ABL1: variants seen among roughly 807,000 people sequenced by gnomAD.
The protein encoded by ABL1 is ABL proto-oncogene 1, non-receptor tyrosine kinase.
In ABL1, 11 loss-of-function variants were observed where a neutral mutation model predicts 94.7. The ratio of observed to expected loss-of-function variants is 0.12; its 90% CI spans 0.07 to 0.19. The LOEUF is 0.19. ABL1 is among the 10% of genes least tolerant of loss of function. The pLI, the probability that ABL1 is intolerant of heterozygous loss-of-function variation, is 1.00. For missense variants in ABL1, 1,082 were observed against 1,489.4 expected, an observed-to-expected ratio of 0.73 and a Z score of 4.50; for synonymous variants, 656 against 622.4, an observed-to-expected ratio of 1.05 and a Z score of -0.80.
rs149412304 is a variant in ABL1 at position 130,884,706 on chromosome 9, C to A, written c.2416C>A (p.Pro806Thr). The A allele has an allele frequency of 2.1e-5, 34 of 1,612,684 alleles. No individual in the cohort carries two copies. The African/African-American group carries it at 3.1e-4, about 15-fold the overall frequency. ...EVFKDIMESSPGSSPPNLTPK... is the reference protein window; with the variant it reads ...EVFKDIMESSTGSSPPNLTPK... ...CTTCAAAGACATCATGGAGTCCAGCCCGGGCTCCAGCCCGCCCAACCTGAC... is the reference window on the plus strand; with the variant it reads ...CTTCAAAGACATCATGGAGTCCAGCACGGGCTCCAGCCCGCCCAACCTGAC... Residue 806 changes from proline (P) to threonine (T), a missense_variant, in exon 11 of 11, where the codon CCG becomes ACG. Pro to Thr is a conservative substitution (Grantham distance 38). Transcript: ENST00000318560. The surrounding 1 kb of genome is among the most constrained non-coding windows in gnomAD (Gnocchi z 5.6).
At chr9:130,736,366 C>A (rs2132704552) in intron 1 of ABL1, among the ~76,000 whole-genome samples, 1 of 152,168 alleles carries the variant, frequency 6.6e-6, no homozygotes, top group East Asian at 1.9e-4. Flanking sequence ...CCTTCATCCC[C>A]AAAGCCTAGC....
rs3780283 is a variant in ABL1, at chr9:130,868,179, C to T, written c.823-3950C>T. 0.019 allele frequency among the ~76,000 whole-genome samples: 2,881 copies of T among 152,096 alleles called. 215 individuals carry two copies. In the East Asian group the frequency reaches 0.25, roughly 13 times the overall value. ...TTCACCATGTTAGCCAGGATGGTCT[C>T]GATCTCCTGACTTCATGATCTGCCC... On this transcript the variant is annotated intron_variant, in intron 4 of 10. Transcript: ENST00000318560.
intron 1 of ABL1, among the ~76,000 whole-genome samples, chr9:130,717,823 G>A (rs1372127478): frequency 6.6e-6 from 1 of 152,010 alleles, no homozygotes; most frequent in Non-Finnish European, 1.5e-5. Context: ...GGACCAGCCT[G>A]ACTAACATGG....
intron 1 of ABL1, among the ~76,000 whole-genome samples, chr9:130,774,513 C>T (rs1287046307): frequency 6.6e-6 from 1 of 152,022 alleles, no homozygotes; most frequent in Non-Finnish European, 1.5e-5. Context: ...AAAGAATAAG[C>T]TGTTGGCAGA....
intron 1 of ABL1, among the ~76,000 whole-genome samples, chr9:130,849,065 A>T (rs553481128): frequency 6.6e-6 from 1 of 152,220 alleles, no homozygotes; most frequent in Non-Finnish European, 1.5e-5. Context: ...GACCATGCCT[A>T]TATACTGGAA....
At chr9:130,854,353 GA>G (rs1830939594) in intron 2 of ABL1, 116 bp downstream of exon 2, 1 of 1,206,746 alleles carries the variant, frequency 8.3e-7, no homozygotes, top group East Asian at 2.4e-5. Context: ...GGACTGCAGG[GA>G]TATCCAAAAC....
At chr9:130,798,994 G>T (rs1830019568) in intron 1 of ABL1, among the ~76,000 whole-genome samples, 2 of 135,646 alleles carry the variant, frequency 1.5e-5, no homozygotes, top group African/African-American at 5.9e-5. Context: ...AGAATTGGAA[G>T]GGAATGGAGG....
rs560583184 is a variant in ABL1, at chr9:130,801,000, G to A, written c.137-53064G>A. ...GGCTGGAGTGCAGAGGCACGATCTC[G>A]GCTCACTGCAACCTCTGCCTGCTGG... On this transcript the variant is annotated intron_variant, in intron 1 of 10. Transcript: ENST00000372348. Among the ~76,000 whole-genome samples, 15 of 149,714 alleles carry A rather than the reference G, an allele frequency of 1.0e-4. No homozygotes were observed. The East Asian group carries it at 2.0e-3, about 20-fold the overall frequency.
In ABL1 at chr9:130,835,614, C is replaced by T. The variant is rs1236825838; in HGVS notation, c.79+89C>T. On this transcript the variant is annotated intron_variant, in intron 1 of 10. Transcript: ENST00000318560. The surrounding 1 kb of genome is among the most constrained non-coding windows in gnomAD (Gnocchi z 4.6). ...TCCTAGGCCTCGCCGCCCGCGCGCT[C>T]CCGCCTGCGCCCTCCCCGGGTCTTG... 2 of 967,656 alleles carry T rather than the reference C, an allele frequency of 2.1e-6. No homozygotes were observed. Among genetic ancestry groups the T allele is most frequent in the Middle Eastern group, 3.1e-4 (1 of 3,178 alleles). 59.9% of individuals were successfully genotyped at this position (967,656 alleles called of 1,614,324 possible).
intron 1 of ABL1, among the ~76,000 whole-genome samples, chr9:130,758,972 T>C (rs1294776041): frequency 6.6e-6 from 1 of 152,196 alleles, no homozygotes; most frequent in Non-Finnish European, 1.5e-5. Flanking sequence ...TTTTTGGTGC[T>C]AGTTTGGCTT....
chr9:130,766,752 G>T (rs1832188893), intron 1 of ABL1, among the ~76,000 whole-genome samples: 1 of 152,002 alleles, frequency 6.6e-6, no homozygotes, highest in Non-Finnish European at 1.5e-5. Flanking sequence ...TGCTGTCAGG[G>T]CTACCACCCC....
Position 130,770,161 on chromosome 9 carries a change from CTCTCTCTCTG to C in ABL1, c.136+55716_136+55725del, listed in dbSNP as rs962537680. Among the ~76,000 whole-genome samples the C allele has an allele frequency of 4.0e-3, 193 of 48,410 alleles. 2 individuals are homozygous for C. In the Middle Eastern group the frequency reaches 0.056, roughly 14 times the overall value. The allele number at this position is 48,410 out of a possible 152,430, so 31.8% of individuals were successfully genotyped here. A position where few individuals can be genotyped will look rare whatever the true frequency, so the allele number is the denominator to read the frequency against. On this transcript the variant is annotated intron_variant, in intron 1 of 10. Transcript: ENST00000372348. ...TGTTGTCTTTATTTCTACCAGTTGT[CTCTCTCTCTG>C]TCTCTCTCTCTCTCTTTTTTTTTTA...
In ABL1 at chr9:130,854,813, G is replaced by A. The variant is rs764626784; in HGVS notation, c.266G>A (p.Arg89Gln). 8.1e-6 allele frequency: 13 copies of A among 1,613,270 alleles called. No individual in the cohort carries two copies. The highest frequency in any genetic ancestry group is 3.3e-5 in the Admixed American group (2 of 59,972). The change falls in exon 3 of 11, where the codon CGG becomes CAG. Residue 89 changes from arginine (R) to glutamine (Q), a missense_variant. This residue lies in a region of ABL1 where 47 missense variants were observed against 142.2 expected (regional missense o/e 0.33). Coordinates refer to ENST00000318560, the MANE Select transcript of ABL1 (RefSeq NM_005157.6). ...CCTTTCTTCTCAGGTGAAAAGCTCC[G>A]GGTCTTAGGCTATAATCACAATGGG... Reference protein sequence around the residue: ...TLSITKGEKLRVLGYNHNGEW... With the variant: ...TLSITKGEKLQVLGYNHNGEW...
intron 1 of ABL1, among the ~76,000 whole-genome samples, chr9:130,813,639 G>GT (rs1830243806): frequency 6.6e-6 from 1 of 151,220 alleles, no homozygotes; most frequent in African/African-American, 2.4e-5. Context: ...TAACAGAAAG[G>GT]TATCTGGAAG....
intron 1 of ABL1, among the ~76,000 whole-genome samples, chr9:130,829,992 G>A (rs1830475493): frequency 1.3e-5 from 2 of 152,138 alleles, no homozygotes; most frequent in Admixed American, 1.3e-4. Context: ...GAAACATACA[G>A]GGGAAAGGGA....
rs766455302 is a variant in ABL1, at chr9:130,880,449, C to G, written c.1514-51C>G. ...AGAGAACCACCACACCAAGCCAACA[C>G]CAGTACTGATGGCTGCTGGATTTTT... On this transcript the variant is annotated intron_variant, in intron 9 of 10. Coordinates refer to ENST00000318560, the MANE Select transcript of ABL1 (RefSeq NM_005157.6). This position sits in a 1 kb window ranked among gnomAD's most constrained non-coding sequence, Gnocchi z 4.4. The G allele has an allele frequency of 2.5e-6, 4 of 1,600,502 alleles. No individual in the cohort carries two copies. The highest frequency in any genetic ancestry group is 3.4e-5 in the Admixed American group (2 of 59,298).
At chr9:130,817,975 A>G (rs1293485446) in intron 1 of ABL1, among the ~76,000 whole-genome samples, 1 of 152,204 alleles carries the variant, frequency 6.6e-6, no homozygotes, top group East Asian at 1.9e-4. Flanking sequence ...TAGAATTGCT[A>G]GGTCGTAGGA....
At chr9:130,800,871 G>C (rs1830045324) in intron 1 of ABL1, among the ~76,000 whole-genome samples, 2 of 151,494 alleles carry the variant, frequency 1.3e-5, no homozygotes, top group African/African-American at 4.8e-5. Flanking sequence ...ACCATTGTGT[G>C]AGCATATGAT....
chr9:130,804,220 G>A (rs753200831), intron 1 of ABL1, among the ~76,000 whole-genome samples: 3 of 152,026 alleles, frequency 2.0e-5, no homozygotes, highest in African/African-American at 4.8e-5. Context: ...TTAGCAGGGC[G>A]TGGTGGTGGG....
Sources: allele counts gnomAD v4.1 joint callset (sites outside exome capture counted in the v4.1 genomes callset), GRCh38; gene constraint gnomAD v4.1.1; regional missense constraint gnomAD v4.1.1; non-coding constraint Gnocchi (gnomAD v3.1); transcripts MANE v1.5; gene names NCBI Gene and HGNC (gene_info 2026-07-23, HGNC 2026-07-21).